Variants in PTK2 observed in about 807,000 individuals in gnomAD.
The protein encoded by PTK2 is protein tyrosine kinase 2, also known as focal adhesion kinase 1.
A neutral mutation model predicts 150.1 loss-of-function variants in PTK2; 45 were observed. The observed-to-expected ratio is 0.30, with a 90% confidence interval of 0.24 to 0.38. The LOEUF (loss-of-function observed/expected upper bound fraction) is 0.38, where lower values mean the gene tolerates loss of function less well. Among genes scored for constraint, PTK2 ranks in the 10% least tolerant of loss-of-function variants. The pLI is 1.00. For missense variants in PTK2, 919 were observed against 1,307.3 expected (o/e 0.70, Z 4.58); for synonymous variants, 432 against 449.2 (o/e 0.96, Z 0.48).
intron 5 of PTK2, among the ~76,000 whole-genome samples, chr8:140,848,531 C>T (rs1015811436): frequency 9.2e-5 from 14 of 152,160 alleles, no homozygotes; most frequent in Non-Finnish European, 1.5e-5. Context: ...TATTTTCCCT[C>T]CTTTACAAGG....
intron 27 of PTK2, among the ~76,000 whole-genome samples, chr8:140,679,023 T>G (rs61545009): frequency 1.7e-5 from 1 of 59,098 alleles, no homozygotes; most frequent in African/African-American, 5.9e-5. Context: ...TTTTTTTTTT[T>G]TTTTTTTTTT....
At chr8:140,833,180 A>AAAAAAG (rs1043152112) in intron 7 of PTK2, 15 of 401,026 alleles carry the variant, frequency 3.7e-5, no homozygotes, top group African/African-American at 2.7e-4. Context: ...TCCATTAAAA[A>AAAAAAG]AAAAAGAAAC....
At chr8:140,807,133 G>T (rs2100098572) in intron 10 of PTK2, among the ~76,000 whole-genome samples, 1 of 152,252 alleles carries the variant, frequency 6.6e-6, no homozygotes. Context: ...GCTAGACTGT[G>T]TTCCAAGTAT....
intron 22 of PTK2, among the ~76,000 whole-genome samples, chr8:140,726,733 A>C (rs1157911811): frequency 6.6e-6 from 1 of 152,240 alleles, no homozygotes; most frequent in Non-Finnish European, 1.5e-5. Context: ...GCACCACAAG[A>C]AATGCTAAAA....
intron 29 of PTK2, 26 bp downstream of exon 33, chr8:140,669,701 G>A: frequency 6.5e-7 from 1 of 1,531,966 alleles, no homozygotes; most frequent in Non-Finnish European, 8.7e-7. Flanking sequence ...GAGCTGGACA[G>A]ACACACAAAG....
At chr8:140,799,927 A>G (rs1421419703) in intron 12 of PTK2, among the ~76,000 whole-genome samples, 1 of 152,168 alleles carries the variant, frequency 6.6e-6, no homozygotes, top group African/African-American at 2.4e-5. Flanking sequence ...CCTCAAAAGC[A>G]TTCCTCATTA....
chr8:140,973,404 T>G (rs1245414065), intron 1 of PTK2, among the ~76,000 whole-genome samples: 4 of 152,124 alleles, frequency 2.6e-5, no homozygotes, highest in Non-Finnish European at 5.9e-5. Flanking sequence ...CTTACTCATC[T>G]CTAAAGTAAA....
At chr8:140,798,238 C>T (rs577858958) in intron 12 of PTK2, among the ~76,000 whole-genome samples, 1 of 152,208 alleles carries the variant, frequency 6.6e-6, no homozygotes, top group South Asian at 2.1e-4. Context: ...AAAAAATGTA[C>T]ATGTGCTGTG....
chr8:140,899,317 T>G (rs1376718094), intron 2 of PTK2, among the ~76,000 whole-genome samples: 2 of 152,180 alleles, frequency 1.3e-5, no homozygotes, highest in African/African-American at 4.8e-5. Context: ...TTCCCTCGGT[T>G]TTCTTGGAAC....
intron 14 of PTK2, among the ~76,000 whole-genome samples, chr8:140,787,865 A>T (rs892916479): frequency 1.3e-5 from 2 of 152,222 alleles, no homozygotes; most frequent in Non-Finnish European, 2.9e-5. Flanking sequence ...CCTGCGAGTT[A>T]TTCAAAGCCC....
intron 17 of PTK2, among the ~76,000 whole-genome samples, chr8:140,749,699 T>C (rs954096445): frequency 1.3e-5 from 2 of 152,238 alleles, no homozygotes; most frequent in African/African-American, 4.8e-5. Flanking sequence ...TATGGCCCTT[T>C]AAAGAAAAAG....
intron 1 of PTK2, among the ~76,000 whole-genome samples, chr8:140,992,239 C>T (rs1162345008): frequency 6.6e-6 from 1 of 150,962 alleles, no homozygotes; most frequent in African/African-American, 2.4e-5. Flanking sequence ...TTGCAGTGAG[C>T]CAAGACTGCG....
intron 1 of PTK2, among the ~76,000 whole-genome samples, chr8:140,981,050 G>A (rs1231320043): frequency 2.8e-5 from 4 of 145,092 alleles, no homozygotes; most frequent in East Asian, 2.0e-4. Flanking sequence ...ATGAGCCACC[G>A]CACCCAGCCT....
intron 1 of PTK2, among the ~76,000 whole-genome samples, chr8:140,932,096 C>T (rs931717641): frequency 6.6e-6 from 1 of 152,148 alleles, no homozygotes; most frequent in Non-Finnish European, 1.5e-5. Context: ...CCCCACTGAC[C>T]CCATTCTCCT....
intron 5 of PTK2, among the ~76,000 whole-genome samples, chr8:140,849,843 A>G (rs928181765): frequency 6.6e-6 from 1 of 152,246 alleles, no homozygotes; most frequent in Non-Finnish European, 1.5e-5. Flanking sequence ...AGGATTCAAA[A>G]TCCAGATGTA....
intron 12 of PTK2, among the ~76,000 whole-genome samples, chr8:140,798,029 A>G (rs968031453): frequency 3.3e-5 from 5 of 152,180 alleles, no homozygotes; most frequent in African/African-American, 9.7e-5. Context: ...GGCACACCCA[A>G]TTCACATGTA....
chr8:140,960,612 G>A (rs2100182812), intron 1 of PTK2, among the ~76,000 whole-genome samples: 2 of 152,274 alleles, frequency 1.3e-5, no homozygotes, highest in South Asian at 4.1e-4. Flanking sequence ...ATCTCATACT[G>A]AATGACTTAT....
intron 7 of PTK2, among the ~76,000 whole-genome samples, chr8:140,838,045 G>C (rs1314590725): frequency 2.0e-5 from 3 of 151,886 alleles, no homozygotes; most frequent in African/African-American, 7.3e-5. Flanking sequence ...CTGGGCAACA[G>C]AGCAAGACTC....
At chr8:140,718,108 T>C (rs1427832045) in intron 22 of PTK2, 1 of 198,016 alleles carries the variant, frequency 5.1e-6, no homozygotes, top group Non-Finnish European at 1.1e-5. Flanking sequence ...TCACACCTAA[T>C]GTGATCACGC....
Sources: gnomAD v4.1 joint callset for allele counts (sites outside exome capture counted in the v4.1 genomes callset) on GRCh38, gnomAD v4.1.1 for gene constraint, MANE v1.5 for transcripts, NCBI Gene and HGNC (gene_info 2026-07-23, HGNC 2026-07-21) for gene names.